GRB14: variants seen among roughly 807,000 people sequenced by gnomAD.
GRB14 encodes growth factor receptor-bound protein 14.
A neutral mutation model predicts 69.1 loss-of-function variants in GRB14; 38 were observed. That is an observed-to-expected ratio of 0.55 (90% CI 0.42 to 0.72). The LOEUF (loss-of-function observed/expected upper bound fraction) is 0.72. GRB14 is among the 30% of genes least tolerant of loss of function. The probability of loss-of-function intolerance (pLI) is 0.00; values close to 1 mark genes in which losing one functional copy is unlikely to be tolerated. For synonymous variants in GRB14, 247 were observed against 241.3 expected, an observed-to-expected ratio of 1.02 and a Z score of -0.22; for missense variants, 666 against 666.1, an observed-to-expected ratio of 1.00 and a Z score of 0.00.
At chr2:164,576,787 G>C (rs1218473661) in intron 2 of GRB14, among the ~76,000 whole-genome samples, 10 of 147,518 alleles carry the variant, frequency 6.8e-5, no homozygotes, top group Admixed American at 6.1e-4. Context: ...AAATCAGAAA[G>C]AATAAACTAA....
At chr2:164,537,903 G>A (rs1688119924) in intron 3 of GRB14, among the ~76,000 whole-genome samples, 1 of 152,046 alleles carries the variant, frequency 6.6e-6, no homozygotes, top group Non-Finnish European at 1.5e-5. Context: ...CTGTGATGAG[G>A]GTGGTCACAA....
intron 2 of GRB14, among the ~76,000 whole-genome samples, chr2:164,554,622 G>T (rs1688632039): frequency 6.6e-6 from 1 of 152,020 alleles, no homozygotes; most frequent in Admixed American, 6.6e-5. Flanking sequence ...CAACAACCTT[G>T]GCCTTTGGAG....
chr2:164,549,876 A>C (rs1268720435), intron 2 of GRB14, among the ~76,000 whole-genome samples: 1 of 76,216 alleles, frequency 1.3e-5, no homozygotes, highest in African/African-American at 8.4e-5. Flanking sequence ...AATAAAATAA[A>C]ATAAAATAAA....
chr2:164,560,124 T>G (rs1559051061), intron 2 of GRB14, among the ~76,000 whole-genome samples: 1 of 152,156 alleles, frequency 6.6e-6, no homozygotes, highest in African/African-American at 2.4e-5. Context: ...CAGAACCCCA[T>G]TTCTGGCTCC....
chr2:164,591,958 T>C (rs1007336966), intron 2 of GRB14, among the ~76,000 whole-genome samples: 4 of 152,264 alleles, frequency 2.6e-5, no homozygotes, highest in East Asian at 3.9e-4. Flanking sequence ...TGAGACCTGA[T>C]GATTTTATAA....
intron 2 of GRB14, among the ~76,000 whole-genome samples, chr2:164,600,739 G>C (rs1289445577): frequency 6.6e-6 from 1 of 152,060 alleles, no homozygotes; most frequent in Non-Finnish European, 1.5e-5. Context: ...TAATTATATT[G>C]ACAAGTAAAA....
At chr2:164,573,866 A>T in intron 2 of GRB14, 1 of 1,613,076 alleles carries the variant, frequency 6.2e-7, no homozygotes, top group East Asian at 2.2e-5. Flanking sequence ...TTTGATTAGA[A>T]ATGCAAGACT....
intron 3 of GRB14, among the ~76,000 whole-genome samples, chr2:164,546,558 G>A (rs924671128): frequency 6.6e-6 from 1 of 152,164 alleles, no homozygotes; most frequent in Non-Finnish European, 1.5e-5. Context: ...GATGGTAAGA[G>A]AATCAAACTT....
At chr2:164,572,161 G>A (rs1337759889) in intron 2 of GRB14, among the ~76,000 whole-genome samples, 9 of 152,110 alleles carry the variant, frequency 5.9e-5, no homozygotes, top group Non-Finnish European at 1.2e-4. Context: ...AATGCTATTA[G>A]GTTGGTGCAA....
intron 2 of GRB14, among the ~76,000 whole-genome samples, chr2:164,580,031 C>A (rs1333746156): frequency 6.6e-6 from 1 of 151,990 alleles, no homozygotes; most frequent in Non-Finnish European, 1.5e-5. Flanking sequence ...TCTGGAAAAA[C>A]TTCTTAAGAA....
At chr2:164,551,761 G>A (rs7604907) in intron 2 of GRB14, among the ~76,000 whole-genome samples, 3,758 of 152,178 alleles carry the variant, frequency 0.025, 148 homozygotes, top group African/African-American at 0.086. Context: ...TTCATAATGC[G>A]CCTCTTTTAT....
chr2:164,540,382 G>A (rs184230483), intron 3 of GRB14, among the ~76,000 whole-genome samples: 6 of 152,196 alleles, frequency 3.9e-5, no homozygotes, highest in East Asian at 1.9e-4. Flanking sequence ...AGTCCGAGGC[G>A]GGTGGATCAT....
chr2:164,588,182 A>C (rs1367850160), intron 2 of GRB14, among the ~76,000 whole-genome samples: 1 of 152,214 alleles, frequency 6.6e-6, no homozygotes, highest in Admixed American at 6.5e-5. Context: ...ATATTATGTC[A>C]CATGAAAACC....
At chr2:164,510,497 T>A (rs149048834) in intron 6 of GRB14, among the ~76,000 whole-genome samples, 1 of 152,212 alleles carries the variant, frequency 6.6e-6, no homozygotes, top group East Asian at 1.9e-4. Context: ...TAACTAAATT[T>A]AGAACTAAAA....
chr2:164,514,984 A>G (rs1687441802), intron 6 of GRB14, among the ~76,000 whole-genome samples: 1 of 152,182 alleles, frequency 6.6e-6, no homozygotes, highest in Non-Finnish European at 1.5e-5. Flanking sequence ...AGAGGCAGCC[A>G]TAATCCCCCT....
chr2:164,551,752 T>C (rs1293325840), intron 2 of GRB14, among the ~76,000 whole-genome samples: 6 of 152,182 alleles, frequency 3.9e-5, no homozygotes, highest in Non-Finnish European at 8.8e-5. Flanking sequence ...GTCCAAGGGT[T>C]CATAATGCGC....
intron 2 of GRB14, among the ~76,000 whole-genome samples, chr2:164,569,526 T>A (rs2044877330): frequency 6.6e-6 from 1 of 152,192 alleles, no homozygotes; most frequent in African/African-American, 2.4e-5. Flanking sequence ...CAGATTACAA[T>A]GTGGTTGTTG....
At chr2:164,563,193 T>C (rs1407401522) in intron 2 of GRB14, among the ~76,000 whole-genome samples, 2 of 152,186 alleles carry the variant, frequency 1.3e-5, no homozygotes, top group Non-Finnish European at 2.9e-5. Flanking sequence ...CTACAATCCC[T>C]ATACAAGTAA....
intron 6 of GRB14, among the ~76,000 whole-genome samples, chr2:164,516,979 T>G (rs887714921): frequency 6.6e-6 from 1 of 152,106 alleles, no homozygotes; most frequent in Non-Finnish European, 1.5e-5. Context: ...GCCGAGATGG[T>G]GCCCCTGCAA....
Sources: allele counts gnomAD v4.1 joint callset (sites outside exome capture counted in the v4.1 genomes callset), GRCh38; gene constraint gnomAD v4.1.1; transcripts MANE v1.5; gene names NCBI Gene and HGNC (gene_info 2026-07-23, HGNC 2026-07-21).